NOL10: variants seen among roughly 807,000 people sequenced by gnomAD.
NOL10 encodes the protein H_NH0074G24.1.
In NOL10, 58 loss-of-function variants were observed where a neutral mutation model predicts 103.5. The ratio of observed to expected loss-of-function variants is 0.56; its 90% CI spans 0.45 to 0.70. The LOEUF (loss-of-function observed/expected upper bound fraction) is 0.70. Ranked by LOEUF, NOL10 falls within the 30% of genes least tolerant of loss-of-function variation. NOL10 has a pLI of 0.00. For missense variants in NOL10, 763 were observed against 807.3 expected, an observed-to-expected ratio of 0.95 and a Z score of 0.67; for synonymous variants, 287 against 282.5, an observed-to-expected ratio of 1.02 and a Z score of -0.16.
chr2:10,669,533 C>G (rs1372153583), intron 6 of NOL10, among the ~76,000 whole-genome samples: 1 of 150,422 alleles, frequency 6.6e-6, no homozygotes, highest in African/African-American at 2.4e-5. Context: ...CACACACACA[C>G]ACACACACAA....
chr2:10,669,682 A>C (rs953411778), intron 6 of NOL10, among the ~76,000 whole-genome samples: 2 of 150,980 alleles, frequency 1.3e-5, no homozygotes, highest in Admixed American at 6.6e-5. Flanking sequence ...TCACGAGGTC[A>C]AGAGACCGAG....
At chr2:10,604,240 T>G (rs527539716) in intron 14 of NOL10, among the ~76,000 whole-genome samples, 1 of 152,206 alleles carries the variant, frequency 6.6e-6, no homozygotes, top group Non-Finnish European at 1.5e-5. Context: ...TATGGGTCCA[T>G]GGCCCAGGGG....
intron 17 of NOL10, among the ~76,000 whole-genome samples, chr2:10,593,436 C>A (rs1675504308): frequency 6.6e-6 from 1 of 152,088 alleles, no homozygotes; most frequent in Non-Finnish European, 1.5e-5. Flanking sequence ...TGCACCCCGG[C>A]CAATCAAATT....
intron 8 of NOL10, among the ~76,000 whole-genome samples, chr2:10,663,367 A>G (rs1448320110): frequency 3.6e-5 from 1 of 27,588 alleles, no homozygotes; most frequent in Non-Finnish European, 7.4e-5. Flanking sequence ...ACTTCGTCTC[A>G]AAAAAAAAAA....
chr2:10,602,164 C>T (rs12613769), intron 16 of NOL10, among the ~76,000 whole-genome samples: 42,320 of 152,172 alleles, frequency 0.28, 7,220 homozygotes, highest in Non-Finnish European at 0.38. Context: ...GCCCTGGAAC[C>T]GGCCTGTGGC....
At chr2:10,590,900 T>G (rs988696284) in intron 17 of NOL10, 1 of 152,172 alleles carries the variant, frequency 6.6e-6, no homozygotes, top group Non-Finnish European at 1.5e-5. Flanking sequence ...TCAATCAGAG[T>G]AAACAGCCCT....
intron 9 of NOL10, among the ~76,000 whole-genome samples, chr2:10,660,601 A>G (rs967336025): frequency 3.9e-5 from 6 of 152,110 alleles, no homozygotes; most frequent in Non-Finnish European, 5.9e-5. Context: ...TACAGGTGTG[A>G]GCCACCACAC....
chr2:10,592,018 AC>A (rs1675416439), intron 17 of NOL10, among the ~76,000 whole-genome samples: 20 of 151,874 alleles, frequency 1.3e-4, no homozygotes, highest in South Asian at 1.2e-3. Context: ...AAACAAACAA[AC>A]AAACAAACCA....
rs568304658 is a variant in NOL10 at position 10,665,407 on chromosome 2, G to A, written c.591+1811C>T. ...AAAAAGCACAAAATGCAAACATTTA[G>A]TTTGACAATATTATGATAACTAAGA... On this transcript the variant is annotated intron_variant, in intron 8 of 20. Transcript: ENST00000381685. Among the ~76,000 whole-genome samples, 19 of 152,230 alleles carry A rather than the reference G, an allele frequency of 1.2e-4. No homozygotes were observed. The South Asian group carries it at 3.7e-3, about 30-fold the overall frequency.
intron 13 of NOL10, among the ~76,000 whole-genome samples, chr2:10,642,716 C>T (rs1424563684): frequency 6.6e-6 from 1 of 152,158 alleles, no homozygotes; most frequent in African/African-American, 2.4e-5. Context: ...CCTCACTCCA[C>T]CCCACCCCTT....
intron 13 of NOL10, among the ~76,000 whole-genome samples, chr2:10,639,791 G>A (rs1195517233): frequency 6.6e-6 from 1 of 151,822 alleles, no homozygotes; most frequent in East Asian, 1.9e-4. Flanking sequence ...ATTAGACCCT[G>A]GAGAAAACAA....
At chr2:10,664,338 GA>G (rs1207738913) in intron 8 of NOL10, among the ~76,000 whole-genome samples, 1 of 152,116 alleles carries the variant, frequency 6.6e-6, no homozygotes, top group Non-Finnish European at 1.5e-5. Context: ...TGAGGCAAGA[GA>G]ATCGCTTGAA....
chr2:10,600,406 A>T (rs1475798370), intron 17 of NOL10, among the ~76,000 whole-genome samples: 1 of 152,270 alleles, frequency 6.6e-6, no homozygotes, highest in Non-Finnish European at 1.5e-5. Flanking sequence ...ATGAACAAAG[A>T]AAAACAATAA....
intron 11 of NOL10, among the ~76,000 whole-genome samples, chr2:10,656,549 G>C (rs971852511): frequency 1.3e-5 from 2 of 152,198 alleles, no homozygotes; most frequent in African/African-American, 4.8e-5. Context: ...AGCCAAGTAA[G>C]ACCCATACTT....
chr2:10,667,333 G>C, intron 7 of NOL10, 55 bp from the exon 8 acceptor site: 1 of 1,221,952 alleles, frequency 8.2e-7, no homozygotes. Flanking sequence ...ACTTTAGTGG[G>C]GAAGGAATAT....
At chr2:10,603,296 T>A in intron 14 of NOL10, 139 bp from the exon 15 acceptor site, 1 of 642,528 alleles carries the variant, frequency 1.6e-6, no homozygotes, top group Non-Finnish European at 2.8e-6. Flanking sequence ...ACTAATCTTC[T>A]TTGATATCTA....
At chr2:10,604,794 C>T (rs1476114286) in intron 14 of NOL10, 2 of 152,194 alleles carry the variant, frequency 1.3e-5, no homozygotes, top group African/African-American at 2.4e-5. Context: ...ACAGTTAACT[C>T]CATGGATCAC....
chr2:10,619,992 A>G (rs1015768901), intron 13 of NOL10, among the ~76,000 whole-genome samples: 5 of 152,218 alleles, frequency 3.3e-5, no homozygotes, highest in African/African-American at 4.8e-5. Flanking sequence ...GCCCACATGC[A>G]CACGCACACA....
intron 9 of NOL10, among the ~76,000 whole-genome samples, chr2:10,659,540 C>T (rs1325147881): frequency 5.3e-5 from 8 of 151,330 alleles, no homozygotes; most frequent in Non-Finnish European, 7.4e-5. Context: ...AAAAAATAGC[C>T]AGTTGTGGTG....
Sources: allele counts gnomAD v4.1 joint callset (sites outside exome capture counted in the v4.1 genomes callset), GRCh38; gene constraint gnomAD v4.1.1; transcripts MANE v1.5; gene names NCBI Gene and HGNC (gene_info 2026-07-23, HGNC 2026-07-21).